PRMT8: variants seen among roughly 807,000 people sequenced by gnomAD.
The protein encoded by PRMT8 is protein arginine methyltransferase 8.
Under a neutral mutation model 47.1 loss-of-function variants are expected in PRMT8, and 7 were observed. That is an observed-to-expected ratio of 0.15 (90% CI 0.08 to 0.28). The LOEUF is 0.28. PRMT8 is among the 10% of genes least tolerant of loss of function. PRMT8 has a pLI of 1.00. For missense variants in PRMT8, 237 were observed against 505.4 expected (o/e 0.47, Z 5.09); for synonymous variants, 188 against 186.5 (o/e 1.01, Z -0.07).
At chr12:3,582,581 C>G (rs1867087100) in intron 7 of PRMT8, among the ~76,000 whole-genome samples, 1 of 152,168 alleles carries the variant, frequency 6.6e-6, no homozygotes, top group Admixed American at 6.5e-5. Flanking sequence ...TGATAAAACA[C>G]AGATTGCTGT....
intron 1 of PRMT8, among the ~76,000 whole-genome samples, chr12:3,418,272 C>T (rs912359660): frequency 2.6e-5 from 4 of 152,320 alleles, no homozygotes; most frequent in East Asian, 3.9e-4. Context: ...TCAGCCCTTT[C>T]CTTAGCAACC....
rs190895111 is a variant in PRMT8, at chr12:3,545,940, C to T, written c.262-3996C>T. 2.1e-3 allele frequency among the ~76,000 whole-genome samples: 323 copies of T among 152,324 alleles called. 2 individuals are homozygous for T. Among genetic ancestry groups the T allele is most frequent in the Middle Eastern group, 0.02 (6 of 294 alleles). ...ATTTTCAAGTGCACGTGGGAACATT[C>T]ACTAAGATAGATCCTCTGCTGGGTC... On this transcript the variant is annotated intron_variant, in intron 2 of 9. Transcript: ENST00000382622.
intron 1 of PRMT8, among the ~76,000 whole-genome samples, chr12:3,444,872 C>T (rs960276270): frequency 6.6e-6 from 1 of 152,204 alleles, no homozygotes; most frequent in Admixed American, 6.5e-5. Context: ...GGCAGCAAAC[C>T]CCACCCGGGG....
At chr12:3,397,540 G>A (rs1357402802) in intron 1 of PRMT8, among the ~76,000 whole-genome samples, 1 of 151,422 alleles carries the variant, frequency 6.6e-6, no homozygotes, top group Admixed American at 6.6e-5. Flanking sequence ...AGGGGTCAGG[G>A]ACCCACTTGA....
chr12:3,396,478 G>C (rs1025946679), intron 1 of PRMT8, among the ~76,000 whole-genome samples: 12 of 152,270 alleles, frequency 7.9e-5, no homozygotes, highest in Non-Finnish European at 1.6e-4. Flanking sequence ...ATGAAGCTTA[G>C]TTTGGCTGGA....
chr12:3,481,539 A>G (rs1021775799), intron 1 of PRMT8, among the ~76,000 whole-genome samples: 3 of 152,142 alleles, frequency 2.0e-5, no homozygotes, highest in Non-Finnish European at 4.4e-5. Flanking sequence ...CAGCTCTGAG[A>G]GTACTGGGAT....
chr12:3,585,345 CTTTTTTTT>C (rs71061123), intron 8 of PRMT8, among the ~76,000 whole-genome samples: 53 of 45,788 alleles, frequency 1.2e-3, no homozygotes, highest in African/African-American at 2.0e-3. Flanking sequence ...GAAAATGATG[CTTTTTTTT>C]TTTTTTTTTT....
At position 3,576,605 on chromosome 12, in the gene PRMT8, T is replaced by C. The variant is rs1866948787; in HGVS notation, c.713-266T>C. On this transcript the variant is annotated intron_variant, in intron 6 of 9. Transcript: ENST00000382622. This position sits in a 1 kb window ranked among gnomAD's most constrained non-coding sequence, Gnocchi z 4.0. ...CCTGCTGCACTCTAGCTATAGGAGC[T>C]TGGAGCAGTTTCCCAGCCTCTCTGA... 6.6e-6 allele frequency among the ~76,000 whole-genome samples: 1 copy of C among 152,168 alleles called. No individual in the cohort carries two copies. Among genetic ancestry groups the C allele is most frequent in the South Asian group, 2.1e-4 (1 of 4,822 alleles).
chr12:3,414,421 C>A (rs891340472), intron 1 of PRMT8, among the ~76,000 whole-genome samples: 1 of 152,192 alleles, frequency 6.6e-6, no homozygotes, highest in Admixed American at 6.5e-5. Flanking sequence ...TTGACCTTGA[C>A]ACTCTTAGTG....
At chr12:3,556,630 C>G (rs1565440697) in intron 4 of PRMT8, among the ~76,000 whole-genome samples, 1 of 151,610 alleles carries the variant, frequency 6.6e-6, no homozygotes, top group Non-Finnish European at 1.5e-5. Context: ...AAAAATGGAA[C>G]AGTAGCTGTA....
intron 7 of PRMT8, among the ~76,000 whole-genome samples, chr12:3,582,797 G>A (rs1867092940): frequency 6.6e-6 from 1 of 152,048 alleles, no homozygotes; most frequent in South Asian, 2.1e-4. Flanking sequence ...CCCAAACCCT[G>A]GAAGATTTAT....
chr12:3,468,556 A>G (rs1275950642), intron 1 of PRMT8, among the ~76,000 whole-genome samples: 1 of 152,158 alleles, frequency 6.6e-6, no homozygotes, highest in Non-Finnish European at 1.5e-5. Flanking sequence ...CAATTCCTGG[A>G]TGTTAGAGGC....
At chr12:3,555,373 G>A (rs1203016407) in intron 4 of PRMT8, among the ~76,000 whole-genome samples, 1 of 152,196 alleles carries the variant, frequency 6.6e-6, no homozygotes, top group Non-Finnish European at 1.5e-5. Flanking sequence ...ACAAAGGTGA[G>A]GGGAAGAGCA....
intron 1 of PRMT8, among the ~76,000 whole-genome samples, chr12:3,435,641 C>T (rs1002255764): frequency 4.0e-5 from 6 of 151,734 alleles, no homozygotes; most frequent in Non-Finnish European, 7.4e-5. Context: ...CCTGCCTCAG[C>T]CTCCTGAGTA....
rs1240146506 is a variant in PRMT8, at chr12:3,491,765, G to C, written c.75+65G>C. 3 of 1,548,632 alleles carry C rather than the reference G, an allele frequency of 1.9e-6. No homozygotes were observed. In the Admixed American group the frequency reaches 5.9e-5, roughly 31 times the overall value. Reference sequence around the variant, plus strand: ...CGCCCACCCGGACCACCGCGCCGCCGCCGCCGCTCAGCGCCGAGTGCCAAA... The same window carrying C: ...CGCCCACCCGGACCACCGCGCCGCCCCCGCCGCTCAGCGCCGAGTGCCAAA... On this transcript the variant is annotated intron_variant, in intron 1 of 9. Coordinates refer to ENST00000382622, the MANE Select transcript of PRMT8 (RefSeq NM_019854.5).
chr12:3,483,181 GCA>G (rs1487988571), intron 1 of PRMT8, among the ~76,000 whole-genome samples: 3 of 152,214 alleles, frequency 2.0e-5, no homozygotes, highest in African/African-American at 7.2e-5. Flanking sequence ...ACACAGCACA[GCA>G]CCCGGTCCGC....
intron 2 of PRMT8, among the ~76,000 whole-genome samples, chr12:3,548,956 G>A (rs1192265082): frequency 2.6e-5 from 4 of 152,154 alleles, no homozygotes; most frequent in African/African-American, 9.7e-5. Context: ...TCATAGAAGG[G>A]AATACCATAC....
At chr12:3,581,217 T>C (rs984888072) in intron 7 of PRMT8, among the ~76,000 whole-genome samples, 2 of 151,664 alleles carry the variant, frequency 1.3e-5, no homozygotes, top group Non-Finnish European at 2.9e-5. Context: ...AAGGCCAGGG[T>C]GATGAGCGGT....
At chr12:3,546,262 C>A (rs575836846) in intron 2 of PRMT8, among the ~76,000 whole-genome samples, 1 of 152,126 alleles carries the variant, frequency 6.6e-6, no homozygotes, top group Admixed American at 6.5e-5. Flanking sequence ...AATCAATGAC[C>A]AAAACTTCTA....
Sources: allele counts gnomAD v4.1 joint callset (sites outside exome capture counted in the v4.1 genomes callset), GRCh38; gene constraint gnomAD v4.1.1; non-coding constraint Gnocchi (gnomAD v3.1); transcripts MANE v1.5; gene names NCBI Gene and HGNC (gene_info 2026-07-23, HGNC 2026-07-21).